Variants in CTNNA2 observed in about 807,000 individuals in gnomAD.
CTNNA2 encodes catenin alpha 2.
A neutral mutation model predicts 101.0 loss-of-function variants in CTNNA2; 42 were observed. The ratio of observed to expected loss-of-function variants is 0.42; its 90% CI spans 0.32 to 0.54. CTNNA2 has a LOEUF of 0.54. Ranked by LOEUF, CTNNA2 falls within the 20% of genes least tolerant of loss-of-function variation. The pLI is 0.14. For synonymous variants in CTNNA2, 450 were observed against 456.4 expected (o/e 0.99, Z 0.18); for missense variants, 871 against 1,223.1 (o/e 0.71, Z 4.29).
intron 9 of CTNNA2, among the ~76,000 whole-genome samples, chr2:80,514,155 C>G (rs1457704497): frequency 6.6e-6 from 1 of 152,142 alleles, no homozygotes; most frequent in Non-Finnish European, 1.5e-5. Flanking sequence ...TTCTCAACCC[C>G]TTTGTTGGAC....
At chr2:79,836,266 G>A (rs900584738) in intron 3 of CTNNA2, among the ~76,000 whole-genome samples, 2 of 152,160 alleles carry the variant, frequency 1.3e-5, no homozygotes, top group Non-Finnish European at 2.9e-5. Context: ...CATTAGAGAC[G>A]CTTGATGTTC....
intron 3 of CTNNA2, among the ~76,000 whole-genome samples, chr2:79,823,813 C>T (rs1337663500): frequency 6.6e-6 from 1 of 152,022 alleles, no homozygotes; most frequent in Non-Finnish European, 1.5e-5. Flanking sequence ...AATCTCCTTC[C>T]TTACCCCACC....
chr2:80,109,427 C>T (rs781159477), intron 7 of CTNNA2, among the ~76,000 whole-genome samples: 81 of 152,178 alleles, frequency 5.3e-4, no homozygotes, highest in Non-Finnish European at 1.0e-3. Context: ...CACCACTGCA[C>T]TCCAGCCTGG....
chr2:79,750,936 T>C (rs1358573702), intron 3 of CTNNA2, among the ~76,000 whole-genome samples: 1 of 151,882 alleles, frequency 6.6e-6, no homozygotes, highest in Non-Finnish European at 1.5e-5. Context: ...TATATTAAAA[T>C]ATTATGGATA....
chr2:80,087,351 A>C (rs1344000372), intron 7 of CTNNA2, among the ~76,000 whole-genome samples: 5 of 152,112 alleles, frequency 3.3e-5, no homozygotes, highest in Non-Finnish European at 5.9e-5. Flanking sequence ...GAAAACAGGT[A>C]GGAAGGTGAT....
In CTNNA2 at chr2:80,375,887, T is replaced by A. The variant is rs553526417; in HGVS notation, c.1057-17324T>A. ...CTTCAAGTCAGACTTATAGCTGGTT[T>A]TACTCAGGACTTTTTACTCACTTTT... On this transcript the variant is annotated intron_variant, in intron 7 of 18. Coordinates refer to ENST00000402739, the MANE Select transcript of CTNNA2 (RefSeq NM_001282597.3). Among the ~76,000 whole-genome samples the A allele has an allele frequency of 3.3e-5, 5 of 152,148 alleles. No individual in the cohort carries two copies. The South Asian group carries it at 6.2e-4, about 19-fold the overall frequency.
At chr2:80,053,409 A>G (rs902936217) in intron 7 of CTNNA2, among the ~76,000 whole-genome samples, 19 of 152,216 alleles carry the variant, frequency 1.2e-4, no homozygotes, top group African/African-American at 4.6e-4. Flanking sequence ...TATCTCTATC[A>G]TATGAGATCT....
chr2:80,007,934 G>A (rs912861478), intron 7 of CTNNA2, among the ~76,000 whole-genome samples: 2 of 152,100 alleles, frequency 1.3e-5, no homozygotes, highest in East Asian at 1.9e-4. Context: ...CCTCAGTTTC[G>A]TACTCTATGA....
At chr2:79,749,108 C>A (rs1385544229) in intron 3 of CTNNA2, among the ~76,000 whole-genome samples, 1 of 152,090 alleles carries the variant, frequency 6.6e-6, no homozygotes, top group Admixed American at 6.5e-5. Context: ...CACCTGGCAA[C>A]CTTCATTCAA....
intron 2 of CTNNA2, among the ~76,000 whole-genome samples, chr2:79,697,282 G>A (rs550587228): frequency 7.9e-5 from 12 of 152,048 alleles, no homozygotes; most frequent in East Asian, 1.9e-4. Context: ...TAGAGCTGCC[G>A]TCTGAAGTCA....
chr2:79,841,821 C>A (rs2103847139), intron 3 of CTNNA2, among the ~76,000 whole-genome samples: 1 of 152,300 alleles, frequency 6.6e-6, no homozygotes, highest in East Asian at 1.9e-4. Flanking sequence ...GTACCATTGG[C>A]TACCTTCAGG....
intron 7 of CTNNA2, among the ~76,000 whole-genome samples, chr2:80,049,642 G>T (rs551489166): frequency 1.8e-3 from 267 of 152,216 alleles, no homozygotes; most frequent in African/African-American, 6.2e-3. Context: ...ACCAGGTTTT[G>T]TGGCACCATT....
chr2:79,679,295 C>T (rs187185439), intron 2 of CTNNA2, among the ~76,000 whole-genome samples: 1 of 152,118 alleles, frequency 6.6e-6, no homozygotes. Flanking sequence ...TGCACATATT[C>T]CCTAGGCCAC....
rs184454290 is a variant in CTNNA2, at chr2:79,616,570, A to G, written c.-5-34982A>G. 1.7e-4 allele frequency among the ~76,000 whole-genome samples: 26 copies of G among 152,266 alleles called. 1 individual carries two copies. Among genetic ancestry groups the G allele is most frequent in the African/African-American group, 6.0e-4 (25 of 41,554 alleles). ...GAAGCTACAACTTACCATTGTAAAA[A>G]CCACAGCCACCCTCGTCTTTCATCC... On this transcript the variant is annotated intron_variant, in intron 1 of 18. Coordinates refer to ENST00000402739, the MANE Select transcript of CTNNA2 (RefSeq NM_001282597.3).
intron 7 of CTNNA2, among the ~76,000 whole-genome samples, chr2:79,968,106 T>C (rs1037285552): frequency 2.6e-5 from 4 of 152,102 alleles, no homozygotes; most frequent in African/African-American, 4.8e-5. Flanking sequence ...GTGATGGCAA[T>C]GTTTTCACAC....
At chr2:79,300,775 G>A (rs1329690748) in intron 2 of CTNNA2, among the ~76,000 whole-genome samples, 1 of 152,058 alleles carries the variant, frequency 6.6e-6, no homozygotes, top group African/African-American at 2.4e-5. Flanking sequence ...TTTCAGCTAT[G>A]CCCTCCTTCT....
intron 4 of CTNNA2, among the ~76,000 whole-genome samples, chr2:79,452,177 A>G (rs1670764382): frequency 6.6e-6 from 1 of 152,134 alleles, no homozygotes; most frequent in Non-Finnish European, 1.5e-5. Flanking sequence ...TCACTGCCCC[A>G]AAGAAGTGAA....
At chr2:79,765,060 A>G (rs182508329) in intron 3 of CTNNA2, among the ~76,000 whole-genome samples, 5 of 152,314 alleles carry the variant, frequency 3.3e-5, no homozygotes, top group African/African-American at 7.2e-5. Flanking sequence ...TATCTAGGCA[A>G]TGGGAGAAGG....
intron 7 of CTNNA2, chr2:80,298,056 C>T (rs1184372371): frequency 2.0e-5 from 3 of 150,926 alleles, no homozygotes; most frequent in Admixed American, 6.6e-5. Flanking sequence ...TATATACACA[C>T]ACACACATGT....
Sources: gnomAD v4.1 joint callset for allele counts (sites outside exome capture counted in the v4.1 genomes callset) on GRCh38, gnomAD v4.1.1 for gene constraint, MANE v1.5 for transcripts, NCBI Gene and HGNC (gene_info 2026-07-23, HGNC 2026-07-21) for gene names.